Variants in CNST observed in about 807,000 individuals in gnomAD.
CNST encodes consortin.
In CNST, 39 loss-of-function variants were observed where a neutral mutation model predicts 72.4. The observed-to-expected ratio is 0.54, with a 90% CI of 0.42 to 0.70. The LOEUF (loss-of-function observed/expected upper bound fraction) is 0.70, where lower values mean the gene tolerates loss of function less well. Among genes scored for constraint, CNST ranks in the 30% least tolerant of loss-of-function variants. The pLI is 0.00. For synonymous variants in CNST, 332 were observed against 320.1 expected (o/e 1.04, Z -0.40); for missense variants, 871 against 868.5 (o/e 1.00, Z -0.04).
intron 1 of CNST, among the ~76,000 whole-genome samples, chr1:246,574,197 G>A (rs776522844): frequency 1.8e-4 from 28 of 151,896 alleles, no homozygotes; most frequent in Non-Finnish European, 3.1e-4. Flanking sequence ...ACCCGCCACC[G>A]CGCCCGGCTA....
chr1:246,568,147 GAAAGAAAA>G (rs1021092759), intron 1 of CNST, among the ~76,000 whole-genome samples: 1 of 151,704 alleles, frequency 6.6e-6, no homozygotes, highest in Non-Finnish European at 1.5e-5. Flanking sequence ...AAAAAAGAAA[GAAAGAAAA>G]AGAGAAAAAG....
Position 246,585,799 on chromosome 1 carries a change from G to A in CNST, c.-51-5713G>A, listed in dbSNP as rs1324572845. On this transcript the variant is annotated intron_variant, in intron 1 of 10. Transcript: ENST00000366513. ...CTCAACGATCAGTTTCTTTGCCTAC[G>A]CTGGGCGTGGTGGCATACATCTGTA... is the stretch of plus-strand genomic sequence containing the variant. Among the ~76,000 whole-genome samples, 5 of 151,368 alleles carry A rather than the reference G, an allele frequency of 3.3e-5. No homozygotes were observed. The East Asian group carries it at 5.9e-4, about 18-fold the overall frequency.
intron 2 of CNST, among the ~76,000 whole-genome samples, chr1:246,596,899 T>G (rs1661925363): frequency 6.6e-6 from 1 of 152,242 alleles, no homozygotes; most frequent in African/African-American, 2.4e-5. Context: ...ATATCAGTAC[T>G]TTGTTCCTTT....
At chr1:246,616,117 C>A (rs1346213591) in intron 2 of CNST, among the ~76,000 whole-genome samples, 1 of 152,170 alleles carries the variant, frequency 6.6e-6, no homozygotes, top group East Asian at 1.9e-4. Context: ...TCTTGTCTAG[C>A]TATATGGATT....
intron 6 of CNST, among the ~76,000 whole-genome samples, chr1:246,638,059 G>T (rs931262124): frequency 6.6e-6 from 1 of 152,156 alleles, no homozygotes; most frequent in Non-Finnish European, 1.5e-5. Flanking sequence ...TCTGGAACGC[G>T]GCTGGAAAGG....
chr1:246,612,221 G>C (rs1345857124), intron 2 of CNST, among the ~76,000 whole-genome samples: 1 of 152,204 alleles, frequency 6.6e-6, no homozygotes, highest in Non-Finnish European at 1.5e-5. Flanking sequence ...GTTTGTTTGA[G>C]ACAGGGTTTT....
Position 246,647,324 on chromosome 1 carries a change from A to G in CNST, c.1123A>G (p.Thr375Ala), listed in dbSNP as rs1392066288. ...CSAEATLALH[T>A]QSSETAGSPS... is the part of the protein sequence containing the mutation. ...CGCTGAAGCCACGTTAGCGCTCCAC[A>G]CCCAGTCCTCCGAGACAGCAGGGAG... The change falls in exon 9 of 11, where the codon ACC (threonine) becomes GCC (alanine). Residue 375 changes from threonine to alanine, a missense_variant. Thr to Ala is a moderately conservative substitution (Grantham distance 58). Transcript: ENST00000366513. 1.2e-6 allele frequency: 2 copies of G among 1,614,040 alleles called. No homozygotes were observed. Among genetic ancestry groups the G allele is most frequent in the African/African-American group, 1.3e-5 (1 of 74,942 alleles).
At chr1:246,586,109 ATATGTGTGTGTGTG>A (rs1366527750) in intron 1 of CNST, among the ~76,000 whole-genome samples, 4 of 122,174 alleles carry the variant, frequency 3.3e-5, no homozygotes, top group Non-Finnish European at 4.9e-5. Context: ...ATATATATAT[ATATGTGTGTGTGTG>A]TGTGTGTGTG....
chr1:246,621,861 G>A (rs1490499142), intron 3 of CNST, among the ~76,000 whole-genome samples: 1 of 152,130 alleles, frequency 6.6e-6, no homozygotes, highest in African/African-American at 2.4e-5. Context: ...CGGGCATGGT[G>A]GTGCACACCT....
rs1486249705 is a variant in CNST, at chr1:246,634,005, A to G, written c.698A>G (p.Gln233Arg). ...LLANLSAIQEQWETKWKTVQP... is the reference protein window; with the variant it reads ...LLANLSAIQERWETKWKTVQP... ...GCAAATCTTTCTGCCATTCAAGAAC[A>G]GTGGGGTAAGTACAGACCAACATGG... The change falls in exon 5 of 11, where the codon CAG becomes CGG. Residue 233 changes from glutamine (Q) to arginine (R), a missense_variant. By Grantham distance (43) the Gln-to-Arg change is conservative. Transcript: ENST00000366513. The G allele has an allele frequency of 6.2e-7, 1 of 1,602,034 alleles. No individual in the cohort carries two copies.
chr1:246,622,969 A>G (rs1664189268), intron 3 of CNST, among the ~76,000 whole-genome samples: 1 of 152,028 alleles, frequency 6.6e-6, no homozygotes, highest in African/African-American at 2.4e-5. Context: ...AATTACAGGC[A>G]CACACCACCA....
rs539531233 is a variant in CNST, at chr1:246,582,352, C to T, written c.-51-9160C>T. 4.3e-5 allele frequency among the ~76,000 whole-genome samples: 6 copies of T among 139,000 alleles called. No individual in the cohort carries two copies. In the South Asian group the frequency reaches 1.6e-3, roughly 38 times the overall value. The allele number at this position is 139,000 out of a possible 152,430, so 91.2% of individuals were successfully genotyped here. On this transcript the variant is annotated intron_variant, in intron 1 of 10. Transcript: ENST00000366513. Reference sequence around the variant, plus strand: ...TCCTGCAAACTGTGAACTCCACCTCCATGCTTTTTTTTTTTTTTGAGGTGG... The same window carrying T: ...TCCTGCAAACTGTGAACTCCACCTCTATGCTTTTTTTTTTTTTTGAGGTGG...
intron 6 of CNST, among the ~76,000 whole-genome samples, chr1:246,635,093 A>C (rs1231992871): frequency 6.6e-6 from 1 of 152,188 alleles, no homozygotes; most frequent in Non-Finnish European, 1.5e-5. Flanking sequence ...CATCCCCCCA[A>C]GCTTTCGGCC....
intron 10 of CNST, among the ~76,000 whole-genome samples, chr1:246,661,908 TCA>T (rs1369961128): frequency 3.3e-5 from 5 of 152,346 alleles, no homozygotes; most frequent in African/African-American, 1.2e-4. Context: ...CTTGTAACTC[TCA>T]CAGTCTTCTC....
At chr1:246,623,015 G>C (rs906397355) in intron 3 of CNST, among the ~76,000 whole-genome samples, 4 of 152,036 alleles carry the variant, frequency 2.6e-5, no homozygotes, top group African/African-American at 9.7e-5. Flanking sequence ...TAGAGATGGG[G>C]TTTCACCATG....
At chr1:246,603,235 T>G (rs963461205) in intron 2 of CNST, among the ~76,000 whole-genome samples, 1 of 152,226 alleles carries the variant, frequency 6.6e-6, no homozygotes, top group African/African-American at 2.4e-5. Context: ...GGTATTTTAT[T>G]ACTGATTTTA....
intron 2 of CNST, among the ~76,000 whole-genome samples, chr1:246,593,923 T>C (rs1242353186): frequency 6.6e-6 from 1 of 152,106 alleles, no homozygotes; most frequent in Non-Finnish European, 1.5e-5. Context: ...CTACCATGCC[T>C]GACTAATTTT....
At chr1:246,583,406 T>C (rs897166271) in intron 1 of CNST, among the ~76,000 whole-genome samples, 3 of 152,256 alleles carry the variant, frequency 2.0e-5, no homozygotes, top group Non-Finnish European at 2.9e-5. Flanking sequence ...CATTCTTCTT[T>C]GTAGCAAAGT....
chr1:246,608,970 T>A (rs578181333), intron 2 of CNST, among the ~76,000 whole-genome samples: 38 of 152,114 alleles, frequency 2.5e-4, no homozygotes, highest in Non-Finnish European at 4.4e-4. Context: ...GTTGAGCGAG[T>A]CAGGTTGCTT....
Sources: allele counts gnomAD v4.1 joint callset (sites outside exome capture counted in the v4.1 genomes callset), GRCh38; gene constraint gnomAD v4.1.1; transcripts MANE v1.5; gene names NCBI Gene and HGNC (gene_info 2026-07-23, HGNC 2026-07-21).